The following FCRL6 variants were observed in gnomAD, a reference collection of about 807,000 sequenced individuals.
FCRL6 encodes Fc receptor-like protein 6.
In FCRL6, 50 loss-of-function variants were observed where a neutral mutation model predicts 49.1. The observed-to-expected ratio is 1.02, with a 90% CI of 0.81 to 1.29. FCRL6 has a LOEUF of 1.29. Ranked by LOEUF, FCRL6 falls within the 50% of genes most tolerant of loss-of-function variation. The pLI is 0.00. For missense variants in FCRL6, 571 were observed against 518.5 expected (o/e 1.10, Z -0.98); for synonymous variants, 213 against 199.6 (o/e 1.07, Z -0.57).
At position 159,809,140 on chromosome 1, in the gene FCRL6, A is replaced by T; in HGVS notation, c.499A>T (p.Ile167Phe). 1 of 1,613,974 alleles carries T rather than the reference A, an allele frequency of 6.2e-7. No individual in the cohort carries two copies. Among genetic ancestry groups the T allele is most frequent in the Non-Finnish European group, 8.5e-7 (1 of 1,179,922 alleles). ...CAGGGGCCCTCACCCAGAACTCTGC[A>T]TCCCGGGAGCCAAGGAGGGAGACTC... ...QDRGPHPELC[I>F]PGAKEGDSGL... Residue 167 changes from isoleucine (I) to phenylalanine (F), a missense_variant, in exon 4 of 10, where the codon ATC (isoleucine) becomes TTC (phenylalanine). Ile to Phe is a conservative substitution (Grantham distance 21, BLOSUM62 0). Coordinates refer to ENST00000368106, the MANE Select transcript of FCRL6 (RefSeq NM_001004310.3).
intron 7 of FCRL6, among the ~76,000 whole-genome samples, chr1:159,814,010 T>C (rs1357398285): frequency 6.6e-6 from 1 of 151,454 alleles, no homozygotes; most frequent in East Asian, 1.9e-4. Flanking sequence ...GTTTAAACAG[T>C]GTCAGGGCTA....
At chr1:159,801,516 T>C (rs1369659620), upstream of FCRL6, among the ~76,000 whole-genome samples, 2 of 152,238 alleles carry the variant, frequency 1.3e-5, no homozygotes, top group Non-Finnish European at 2.9e-5. Flanking sequence ...TGGTATCTTA[T>C]TATGGTTTAA....
upstream of FCRL6, chr1:159,800,692 A>G (rs1662271662): frequency 7.7e-7 from 1 of 1,295,926 alleles, no homozygotes; most frequent in African/African-American, 1.5e-5. Flanking sequence ...AGTCACCGAA[A>G]AAAATGCCTG....
At chr1:159,811,610 C>A (rs1663090501) in intron 6 of FCRL6, among the ~76,000 whole-genome samples, 1 of 152,206 alleles carries the variant, frequency 6.6e-6, no homozygotes, top group Non-Finnish European at 1.5e-5. Context: ...AAGGCTTGGA[C>A]CAGACTTCAA....
At chr1:159,814,578 C>T (rs1663277885) in intron 8 of FCRL6, among the ~76,000 whole-genome samples, 3 of 152,206 alleles carry the variant, frequency 2.0e-5, no homozygotes, top group African/African-American at 7.2e-5. Flanking sequence ...CCATTCTCAA[C>T]ATCATCTCCT....
intron 6 of FCRL6, among the ~76,000 whole-genome samples, chr1:159,812,271 G>A (rs1663133531): frequency 6.6e-6 from 1 of 152,190 alleles, no homozygotes; most frequent in Non-Finnish European, 1.5e-5. Context: ...AGGAAAAACA[G>A]CCAGATCAAT....
At position 159,809,715 on chromosome 1, in the gene FCRL6, C is replaced by A. The variant is rs985083158; in HGVS notation, c.886+32C>A. ...TTTGTTCTCCAACAGAGCTTTGAGC[C>A]CCAGCAAGCTGGCAGGGGTCAGATC... is the stretch of plus-strand genomic sequence containing the variant. On this transcript the variant is annotated intron_variant, in intron 5 of 9. Transcript: ENST00000368106. The A allele has an allele frequency of 5.0e-6, 8 of 1,597,414 alleles. No individual in the cohort carries two copies. In the Admixed American group the frequency reaches 1.0e-4, roughly 20 times the overall value.
At chr1:159,803,105 A>G (rs911765357) in intron 1 of FCRL6, among the ~76,000 whole-genome samples, 47 of 152,202 alleles carry the variant, frequency 3.1e-4, no homozygotes, top group African/African-American at 1.1e-3. Flanking sequence ...TTGAAGAATC[A>G]ACTCCATTGT....
chr1:159,802,253 A>G, upstream of FCRL6: 1 of 596,260 alleles, frequency 1.7e-6, no homozygotes, highest in South Asian at 2.1e-5. Flanking sequence ...AGGAAATATC[A>G]ATTAGAGCTT....
chr1:159,813,082 A>G (rs913510403), intron 6 of FCRL6, among the ~76,000 whole-genome samples: 1 of 152,270 alleles, frequency 6.6e-6, no homozygotes, highest in East Asian at 1.9e-4. Context: ...TTGAAATCCA[A>G]CTATGTGCTG....
chr1:159,808,619 C>T, intron 3 of FCRL6, 175 bp downstream of exon 3: 1 of 700,804 alleles, frequency 1.4e-6, no homozygotes. Flanking sequence ...CTCTCCCCAC[C>T]ATGGGGGACA....
chr1:159,815,203 T>C (rs1325063533), intron 8 of FCRL6, among the ~76,000 whole-genome samples: 1 of 152,206 alleles, frequency 6.6e-6, no homozygotes, highest in East Asian at 1.9e-4. Context: ...AGTCTCTTAA[T>C]TGAAGGGCAG....
chr1:159,814,599 A>T (rs1049598015), intron 8 of FCRL6, among the ~76,000 whole-genome samples: 5 of 152,218 alleles, frequency 3.3e-5, no homozygotes, highest in African/African-American at 9.6e-5. Context: ...CCACACTGTT[A>T]CCATGATAAG....
In FCRL6 at chr1:159,814,306, G is replaced by T; in HGVS notation, c.1147+14G>T. ...AGAGGAGTGAAGGTGAGTGATCTCA[G>T]GCCAAACTTGGTACCTTTGCAAACA... On this transcript the variant is annotated intron_variant, in intron 8 of 9. Coordinates refer to ENST00000368106, the MANE Select transcript of FCRL6 (RefSeq NM_001004310.3). 1 of 1,610,590 alleles carries T rather than the reference G, an allele frequency of 6.2e-7. No individual in the cohort carries two copies. The highest frequency in any genetic ancestry group is 8.5e-7 in the Non-Finnish European group (1 of 1,176,812).
chr1:159,814,566 C>T (rs887109373), intron 8 of FCRL6, among the ~76,000 whole-genome samples: 1 of 152,188 alleles, frequency 6.6e-6, no homozygotes, highest in African/African-American at 2.4e-5. Context: ...CCACTATATT[C>T]ACCATTCTCA....
intron 1 of FCRL6, among the ~76,000 whole-genome samples, chr1:159,804,395 C>T (rs761352698): frequency 5.9e-5 from 9 of 152,210 alleles, no homozygotes; most frequent in South Asian, 4.1e-4. Context: ...AAATATCTCC[C>T]GATCCCTCAG....
intron 2 of FCRL6, among the ~76,000 whole-genome samples, chr1:159,807,948 A>G (rs1662804597): frequency 6.6e-6 from 1 of 151,926 alleles, no homozygotes; most frequent in African/African-American, 2.4e-5. Context: ...GGAAAGGAAT[A>G]AAGAGAAAGA....
At chr1:159,806,742 T>C (rs1038756723) in intron 2 of FCRL6, 126 bp downstream of exon 2, 4 of 962,416 alleles carry the variant, frequency 4.2e-6, no homozygotes, top group Non-Finnish European at 6.8e-6. Flanking sequence ...ACTAGGCCCC[T>C]TCCTCAGGAG....
Position 159,802,399 on chromosome 1 carries a change from C to T in FCRL6, c.-26C>T. ...CCCTGACCTGTTTCTGACCTGTGTT[C>T]CCTCCGCTGTGCCAGAACAGGCCCC... On this transcript the variant is annotated 5_prime_UTR_variant, in exon 1 of 10. Coordinates refer to ENST00000368106, the MANE Select transcript of FCRL6 (RefSeq NM_001004310.3). The T allele has an allele frequency of 4.3e-6, 7 of 1,613,556 alleles. No individual in the cohort carries two copies. The highest frequency in any genetic ancestry group is 5.9e-6 in the Non-Finnish European group (7 of 1,179,762).
Sources: gnomAD v4.1 joint callset for allele counts (sites outside exome capture counted in the v4.1 genomes callset) on GRCh38, gnomAD v4.1.1 for gene constraint, MANE v1.5 for transcripts, NCBI Gene and HGNC (gene_info 2026-07-23, HGNC 2026-07-21) for gene names.